The following BICD1 variants were observed in gnomAD, a reference collection of about 807,000 sequenced individuals.
The protein encoded by BICD1 is protein bicaudal D homolog 1.
BICD1 carries 35 observed loss-of-function variants against 92.5 expected under a neutral mutation model. The observed-to-expected ratio is 0.38, with a 90% confidence interval of 0.29 to 0.50. BICD1 has a LOEUF of 0.50. BICD1 is among the 20% of genes least tolerant of loss of function. BICD1 has a pLI of 0.93. For synonymous variants in BICD1, 429 were observed against 465.1 expected (o/e 0.92, Z 1.00); for missense variants, 950 against 1,189.8 (o/e 0.80, Z 2.97).
Position 32,334,669 on chromosome 12 carries a change from T to TA in BICD1, c.2252+4dup. The TA allele has an allele frequency of 1.2e-6, 2 of 1,607,796 alleles. No individual in the cohort carries two copies. The highest frequency in any genetic ancestry group is 1.7e-6 in the Non-Finnish European group (2 of 1,177,858). On this transcript the variant is annotated splice_region_variant and intron_variant, in intron 6 of 9. Coordinates refer to ENST00000652176, the MANE Select transcript of BICD1 (RefSeq NM_001714.4). ...CCTGAGAGCAATGTTTGCAACAAGG[T>TA]AACAGTATTTTCTTCCTATGACTGG...
chr12:32,153,468 G>C (rs1943347624), intron 1 of BICD1, among the ~76,000 whole-genome samples: 1 of 152,228 alleles, frequency 6.6e-6, no homozygotes, highest in Admixed American at 6.5e-5. Context: ...AGTCAACAAG[G>C]CCCACCTGGC....
At chr12:32,270,586 A>G (rs922585941) in intron 2 of BICD1, among the ~76,000 whole-genome samples, 1 of 152,254 alleles carries the variant, frequency 6.6e-6, no homozygotes, top group Admixed American at 6.5e-5. Flanking sequence ...AATGTTAAAC[A>G]GGTAAGACAA....
chr12:32,221,854 A>G (rs1945542371), intron 2 of BICD1, among the ~76,000 whole-genome samples: 3 of 152,288 alleles, frequency 2.0e-5, no homozygotes, highest in South Asian at 2.1e-4. Context: ...TTGACCCAGC[A>G]TTATTTTTGG....
chr12:32,152,439 T>C (rs2630576), intron 1 of BICD1, among the ~76,000 whole-genome samples: 112,355 of 151,826 alleles, frequency 0.74, 41,705 homozygotes, highest in Admixed American at 0.79. Context: ...ATGCTGAGGC[T>C]AGTCTTGAAC....
intron 4 of BICD1, among the ~76,000 whole-genome samples, chr12:32,312,726 C>CA (rs565111289): frequency 6.6e-6 from 1 of 152,054 alleles, no homozygotes; most frequent in Admixed American, 6.6e-5. Context: ...AACATATACA[C>CA]AAAAAATACA....
intron 4 of BICD1, among the ~76,000 whole-genome samples, chr12:32,311,354 C>T (rs1948370866): frequency 6.6e-6 from 1 of 152,116 alleles, no homozygotes. Flanking sequence ...CAAAAATTAG[C>T]TGGGCATGGT....
chr12:32,148,000 G>A (rs1151023), intron 1 of BICD1, among the ~76,000 whole-genome samples: 151,283 of 151,870 alleles, frequency 1, 75,355 homozygotes, highest in Middle Eastern at 1. Context: ...AAATTAGTCA[G>A]ATGTGGTGGT....
chr12:32,234,412 A>C (rs1240021379), intron 2 of BICD1, among the ~76,000 whole-genome samples: 1 of 152,008 alleles, frequency 6.6e-6, no homozygotes, highest in Non-Finnish European at 1.5e-5. Flanking sequence ...AGCCTGATCA[A>C]CATGGAGAAA....
At position 32,380,960 on chromosome 12, in the gene BICD1, T is replaced by C. The variant is rs1449476021; in HGVS notation, c.*3333T>C. On this transcript the variant is annotated 3_prime_UTR_variant, in exon 10 of 10. Coordinates refer to ENST00000652176, the MANE Select transcript of BICD1 (RefSeq NM_001714.4). ...TAACACTGGGAAATTAACGTGGAAA[T>C]TGATAATCATAAAGAATATTTGTTT... 2.0e-5 allele frequency: 3 copies of C among 152,200 alleles called. No homozygotes were observed. The highest frequency in any genetic ancestry group is 7.2e-5 in the African/African-American group (3 of 41,560). The allele number at this position is 152,200 out of a possible 1,614,324, so 9.4% of individuals were successfully genotyped here. A position where few individuals can be genotyped will look rare whatever the true frequency, so the allele number is the denominator to read the frequency against.
chr12:32,116,480 C>G (rs893622230), intron 1 of BICD1, among the ~76,000 whole-genome samples: 4 of 113,436 alleles, frequency 3.5e-5, no homozygotes, highest in Non-Finnish European at 5.5e-5. Context: ...CTCTCTCTCT[C>G]TCTCTCTCTC....
At chr12:32,156,596 A>G (rs1004247228) in intron 1 of BICD1, among the ~76,000 whole-genome samples, 1 of 152,222 alleles carries the variant, frequency 6.6e-6, no homozygotes, top group Non-Finnish European at 1.5e-5. Context: ...CATTTCCCCT[A>G]AAATTCTGAC....
intron 2 of BICD1, among the ~76,000 whole-genome samples, chr12:32,289,166 G>A (rs1025151940): frequency 1.3e-5 from 2 of 152,182 alleles, no homozygotes; most frequent in Non-Finnish European, 2.9e-5. Flanking sequence ...CAGAGGTAGG[G>A]CCAGATCATG....
chr12:32,118,091 A>ATTTTATTTTATTTTATTTATTTT (rs1555126592), intron 1 of BICD1, among the ~76,000 whole-genome samples: 2 of 46,832 alleles, frequency 4.3e-5, no homozygotes, highest in African/African-American at 6.7e-5. Context: ...TATTTTATTT[A>ATTTTATTTTATTTTATTTATTTT]TTTTTTTTGA....
intron 5 of BICD1, chr12:32,333,237 G>A: frequency 1.0e-6 from 1 of 985,154 alleles, no homozygotes; most frequent in Non-Finnish European, 1.2e-6. Flanking sequence ...TTTTTCCCCA[G>A]GTCAATTTCT....
chr12:32,130,058 AAG>A (rs1363414677), intron 1 of BICD1, among the ~76,000 whole-genome samples: 2 of 152,218 alleles, frequency 1.3e-5, no homozygotes, highest in Non-Finnish European at 2.9e-5. Context: ...AAAAAGGACA[AAG>A]AGCAACTAGT....
intron 1 of BICD1, among the ~76,000 whole-genome samples, 182 bp from the exon 2 acceptor site, chr12:32,216,065 C>T (rs1199159104): frequency 6.7e-6 from 1 of 148,176 alleles, no homozygotes; most frequent in Non-Finnish European, 1.5e-5. Flanking sequence ...TTTTATTTTT[C>T]CTTATTAAGC....
In BICD1 at chr12:32,107,184, C is replaced by G; in HGVS notation, c.-148C>G. Reference sequence around the variant, plus strand: ...GTGTAGCTGCCGCTGCCACCAGAGCCGGCGGGGCATCGCGCTGCTCATTCA... The same window carrying G: ...GTGTAGCTGCCGCTGCCACCAGAGCGGGCGGGGCATCGCGCTGCTCATTCA... On this transcript the variant is annotated 5_prime_UTR_variant, in exon 1 of 10. Transcript: ENST00000652176. The G allele has an allele frequency of 1.3e-6, 1 of 746,120 alleles. No individual in the cohort carries two copies. The highest frequency in any genetic ancestry group is 2.2e-6 in the Non-Finnish European group (1 of 461,408). The allele number at this position is 746,120 out of a possible 1,614,324, so 46.2% of individuals were successfully genotyped here.
At chr12:32,154,167 A>G (rs1943370656) in intron 1 of BICD1, among the ~76,000 whole-genome samples, 1 of 152,178 alleles carries the variant, frequency 6.6e-6, no homozygotes, top group African/African-American at 2.4e-5. Context: ...CTCTAAGTTC[A>G]TTATGATAAA....
chr12:32,319,120 TCAATAC>T (rs896346318), intron 4 of BICD1, among the ~76,000 whole-genome samples: 4 of 152,180 alleles, frequency 2.6e-5, no homozygotes, highest in African/African-American at 9.7e-5. Context: ...CTTTCCAATC[TCAATAC>T]CTTTTATTTG....
Sources: allele counts gnomAD v4.1 joint callset (sites outside exome capture counted in the v4.1 genomes callset), GRCh38; gene constraint gnomAD v4.1.1; transcripts MANE v1.5; gene names NCBI Gene and HGNC (gene_info 2026-07-23, HGNC 2026-07-21).